ZNF721: variants seen among roughly 807,000 people sequenced by gnomAD.
ZNF721 encodes zinc finger protein 721.
In ZNF721, 2 loss-of-function variants were observed where a neutral mutation model predicts 2.4. The observed-to-expected ratio is 0.82, with a 90% CI of 0.34 to 2.58. The LOEUF is 2.58. Among genes scored for constraint, ZNF721 ranks in the 30% most tolerant of loss-of-function variants. ZNF721 has a pLI of 0.11. For missense variants in ZNF721, 1,187 were observed against 1,085.5 expected (o/e 1.09, Z -1.31); for synonymous variants, 398 against 381.8 (o/e 1.04, Z -0.50).
rs573593192 is a variant in ZNF721 at position 464,037 on chromosome 4, A to G, written c.34+8538T>C. On this transcript the variant is annotated intron_variant, in intron 2 of 2. Coordinates refer to ENST00000511833, the MANE Select transcript of ZNF721 (RefSeq NM_133474.4). ...AATTTTTTGCAACAATGTATGAAGA[A>G]AATCAATTATAATAAAGAGAAATCA... 2.6e-5 allele frequency among the ~76,000 whole-genome samples: 4 copies of G among 152,354 alleles called. No individual in the cohort carries two copies. In the South Asian group the frequency reaches 8.3e-4, roughly 32 times the overall value.
At chr4:481,938 G>A (rs1404297175) in intron 1 of ZNF721, among the ~76,000 whole-genome samples, 6 of 152,122 alleles carry the variant, frequency 3.9e-5, no homozygotes, top group South Asian at 2.1e-4. Flanking sequence ...AACTTAAAAC[G>A]TCATATAAAA....
At chr4:496,734 A>C (rs1553872281) in intron 1 of ZNF721, among the ~76,000 whole-genome samples, 1 of 46,494 alleles carries the variant, frequency 2.2e-5, no homozygotes, top group African/African-American at 7.3e-5. Flanking sequence ...TTTTTTTTTG[A>C]GACGGAGTCT....
At position 442,225 on chromosome 4, in the gene ZNF721, T is replaced by C. The variant is rs1354976622; in HGVS notation, c.2242A>G (p.Thr748Ala). Residue 748 changes from threonine (T) to alanine (A), a missense_variant, in exon 3 of 3, where the codon ACT becomes GCT. Coordinates refer to ENST00000511833, the MANE Select transcript of ZNF721 (RefSeq NM_133474.4). ...TNLNEYKKIH[T>A]GDKLYKCKEC... ...TTACATTTGTAGAGTTTATCTCCAG[T>C]ATGAATTTTCTTATATTCGTTCAGG... 1 of 1,612,912 alleles carries C rather than the reference T, an allele frequency of 6.2e-7. No homozygotes were observed. The highest frequency in any genetic ancestry group is 8.5e-7 in the Non-Finnish European group (1 of 1,179,298).
At position 443,284 on chromosome 4, in the gene ZNF721, C is replaced by T; in HGVS notation, c.1183G>A (p.Gly395Ser). 3 of 1,613,984 alleles carry T rather than the reference C, an allele frequency of 1.9e-6. No homozygotes were observed. Among genetic ancestry groups the T allele is most frequent in the South Asian group, 1.1e-5 (1 of 91,068 alleles). Reference sequence around the variant, plus strand: ...TTTGTTGAACTATTAAAGGCTTTGCCACACTCTTCACATTTGTAAGGTTTC... The same window carrying T: ...TTTGTTGAACTATTAAAGGCTTTGCTACACTCTTCACATTTGTAAGGTTTC... The part of the protein sequence containing the change: ...GEKPYKCEEC[G>S]KAFNSSTNLT... Residue 395 changes from glycine (G) to serine (S), a missense_variant, in exon 3 of 3, where the codon GGC (glycine) becomes AGC (serine). By Grantham distance (56) the Gly-to-Ser change is moderately conservative. Coordinates refer to ENST00000511833, the MANE Select transcript of ZNF721 (RefSeq NM_133474.4).
intron 1 of ZNF721, among the ~76,000 whole-genome samples, chr4:493,063 CACATT>C (rs1716064331): frequency 2.0e-5 from 3 of 151,238 alleles, no homozygotes; most frequent in East Asian, 1.9e-4. Context: ...AAGTATTTAT[CACATT>C]ACATTTACCT....
chr4:441,552 A>C lies in ZNF721; in HGVS notation c.*143T>G, dbSNP rs782091570. The C allele has an allele frequency of 2.9e-6, 2 of 696,450 alleles. No individual in the cohort carries two copies. Among genetic ancestry groups the C allele is most frequent in the Non-Finnish European group, 4.6e-6 (2 of 434,468 alleles). The allele number at this position is 696,450 out of a possible 1,614,324, so 43.1% of individuals were successfully genotyped here. ...TTTTCACATTTTAGAGTTTCTCTTC[A>C]TTATGAATTATCTTATGATTAGAAA... On this transcript the variant is annotated 3_prime_UTR_variant, in exon 3 of 3. Coordinates refer to ENST00000511833, the MANE Select transcript of ZNF721 (RefSeq NM_133474.4).
In ZNF721 at chr4:441,664, G is replaced by C; in HGVS notation, c.*31C>G. The C allele has an allele frequency of 1.3e-6, 2 of 1,539,994 alleles. No individual in the cohort carries two copies. The highest frequency in any genetic ancestry group is 1.8e-6 in the Non-Finnish European group (2 of 1,134,290). ...GAGTTCTCTTATGTTTAAGAATGCTGTAGTATGACTTAAAGGCTTTGCCAC... is the reference window on the plus strand; with the variant it reads ...GAGTTCTCTTATGTTTAAGAATGCTCTAGTATGACTTAAAGGCTTTGCCAC... On this transcript the variant is annotated 3_prime_UTR_variant, in exon 3 of 3. Coordinates refer to ENST00000511833, the MANE Select transcript of ZNF721 (RefSeq NM_133474.4).
Position 442,279 on chromosome 4 carries a change from G to A in ZNF721, c.2188C>T (p.Arg730Cys), listed in dbSNP as rs782608224. The A allele has an allele frequency of 9.9e-6, 16 of 1,612,904 alleles. No individual in the cohort carries two copies. In the South Asian group the frequency reaches 1.1e-4, roughly 11 times the overall value. Residue 730 changes from arginine (R) to cysteine (C), a missense_variant, in exon 3 of 3, where the codon CGT becomes TGT. Coordinates refer to ENST00000511833, the MANE Select transcript of ZNF721 (RefSeq NM_133474.4). The stretch of plus-strand genomic sequence containing the variant: ...GTGGACCATCCAAAGGATCTGCCAC[G>A]ATCTTCACATTTGTAGGGTTTCTCC... ...TREKPYKCED[R>C]GRSFGWSTNL...
At chr4:463,387 C>T (rs1425161369) in intron 2 of ZNF721, among the ~76,000 whole-genome samples, 3 of 152,086 alleles carry the variant, frequency 2.0e-5, no homozygotes, top group Non-Finnish European at 4.4e-5. Flanking sequence ...ACCATTTGAC[C>T]CCATAATCCC....
At chr4:463,251 A>AT (rs138062234) in intron 2 of ZNF721, among the ~76,000 whole-genome samples, 11,051 of 152,254 alleles carry the variant, frequency 0.073, 694 homozygotes, top group African/African-American at 0.18. Flanking sequence ...AGAAGTCAGG[A>AT]AACAATAGGT....
chr4:489,359 T>G (rs1190621022), intron 1 of ZNF721, among the ~76,000 whole-genome samples: 1 of 152,238 alleles, frequency 6.6e-6, no homozygotes, highest in Non-Finnish European at 1.5e-5. Context: ...CCCCTCTTAC[T>G]GCTGAGAGGT....
chr4:486,152 T>C (rs1442634648), intron 1 of ZNF721, among the ~76,000 whole-genome samples: 3 of 95,502 alleles, frequency 3.1e-5, no homozygotes, highest in Non-Finnish European at 8.1e-5. Flanking sequence ...GTGATTTCTT[T>C]TTTTTTTCTT....
intron 1 of ZNF721, among the ~76,000 whole-genome samples, chr4:478,017 G>GAC (rs1553868863): frequency 6.6e-6 from 1 of 152,158 alleles, no homozygotes; most frequent in Non-Finnish European, 1.5e-5. Context: ...GACAAAGGCA[G>GAC]ACACTTAAGA....
chr4:443,884 C>T lies in ZNF721; in HGVS notation c.583G>A (p.Gly195Ser). The part of the protein sequence containing the change: ...RIHNREKAYT[G>S]EDRDRAFGWS... ...CCAAAGGCTCTGTCACGATCTTCAC[C>T]TGTGTAAGCTTTCTCTCTGTTGTGA... The change falls in exon 3 of 3, where the codon GGT becomes AGT. Residue 195 changes from glycine to serine, a missense_variant. Gly to Ser is a moderately conservative substitution (Grantham distance 56). Coordinates refer to ENST00000511833, the MANE Select transcript of ZNF721 (RefSeq NM_133474.4). 5.0e-6 allele frequency: 8 copies of T among 1,613,784 alleles called. No individual in the cohort carries two copies. Among genetic ancestry groups the T allele is most frequent in the Non-Finnish European group, 6.8e-6 (8 of 1,179,898 alleles).
intron 1 of ZNF721, among the ~76,000 whole-genome samples, chr4:477,485 G>A (rs1391542779): frequency 6.6e-6 from 1 of 151,998 alleles, no homozygotes; most frequent in Non-Finnish European, 1.5e-5. Flanking sequence ...TGATCCGCCT[G>A]CCTCGGCCTC....
At chr4:444,497 C>A (rs1714406975) in intron 2 of ZNF721, 65 bp from the exon 3 acceptor site, 2 of 1,435,664 alleles carry the variant, frequency 1.4e-6, no homozygotes, top group South Asian at 1.4e-5. Flanking sequence ...CTTTACAAAT[C>A]ATAAGATTAT....
intron 1 of ZNF721, among the ~76,000 whole-genome samples, chr4:494,450 T>A (rs563874945): frequency 2.6e-4 from 40 of 152,170 alleles, no homozygotes; most frequent in Non-Finnish European, 4.4e-4. Flanking sequence ...CCTCCCAAAA[T>A]GCTGGGATTA....
At chr4:451,376 T>A (rs1462063650) in intron 2 of ZNF721, among the ~76,000 whole-genome samples, 1 of 152,220 alleles carries the variant, frequency 6.6e-6, no homozygotes, top group African/African-American at 2.4e-5. Flanking sequence ...GACCATTTTG[T>A]GTTCCTTGAG....
chr4:479,666 C>A (rs1163352039), intron 1 of ZNF721, among the ~76,000 whole-genome samples: 1 of 152,154 alleles, frequency 6.6e-6, no homozygotes, highest in East Asian at 1.9e-4. Flanking sequence ...GGGGCCTACA[C>A]CGGAGCCTGC....
Sources: allele counts gnomAD v4.1 joint callset (sites outside exome capture counted in the v4.1 genomes callset), GRCh38; gene constraint gnomAD v4.1.1; transcripts MANE v1.5; gene names NCBI Gene and HGNC (gene_info 2026-07-23, HGNC 2026-07-21).